Variants in ERC2 observed in about 807,000 individuals in gnomAD.
The protein encoded by ERC2 is ELKS/RAB6-interacting/CAST family member 2.
In ERC2, 42 loss-of-function variants were observed where a neutral mutation model predicts 114.8. The observed-to-expected ratio is 0.37, with a 90% CI of 0.29 to 0.47. The LOEUF is 0.47. ERC2 is among the 20% of genes least tolerant of loss of function. The pLI, the probability that ERC2 is intolerant of heterozygous loss-of-function variation, is 0.99. For missense variants in ERC2, 939 were observed against 1,150.7 expected, an observed-to-expected ratio of 0.82 and a Z score of 2.66; for synonymous variants, 454 against 425.5, an observed-to-expected ratio of 1.07 and a Z score of -0.82.
intron 13 of ERC2, among the ~76,000 whole-genome samples, chr3:55,893,250 T>C (rs1231937889): frequency 2.0e-5 from 3 of 152,146 alleles, no homozygotes; most frequent in African/African-American, 4.8e-5. Flanking sequence ...TAGGAACTTA[T>C]TCCCCTGTTT....
intron 12 of ERC2, among the ~76,000 whole-genome samples, chr3:55,976,553 A>G (rs1381976022): frequency 1.3e-5 from 2 of 152,204 alleles, no homozygotes; most frequent in Non-Finnish European, 2.9e-5. Context: ...CACTGGTTGG[A>G]TAAGACAGGT....
intron 1 of ERC2, among the ~76,000 whole-genome samples, chr3:56,465,430 G>A (rs1443623324): frequency 6.6e-5 from 10 of 151,966 alleles, no homozygotes; most frequent in East Asian, 3.8e-4. Flanking sequence ...AAAACAAGAC[G>A]GTCATGCTAT....
At chr3:56,304,640 G>A (rs1387188998) in intron 2 of ERC2, among the ~76,000 whole-genome samples, 5 of 151,998 alleles carry the variant, frequency 3.3e-5, no homozygotes, top group African/African-American at 9.7e-5. Flanking sequence ...TGGAATACAG[G>A]GATATATTAA....
chr3:55,706,828 C>T (rs941428658), intron 15 of ERC2, among the ~76,000 whole-genome samples: 1 of 152,158 alleles, frequency 6.6e-6, no homozygotes, highest in African/African-American at 2.4e-5. Flanking sequence ...GGCTCTTTTC[C>T]ATGGATACTT....
chr3:55,638,993 TC>T (rs2148649236), intron 17 of ERC2, among the ~76,000 whole-genome samples: 1 of 152,264 alleles, frequency 6.6e-6, no homozygotes, highest in Admixed American at 6.5e-5. Flanking sequence ...CTATGACATC[TC>T]CCTTGACAAT....
At chr3:56,038,215 G>A (rs1305144935) in intron 7 of ERC2, among the ~76,000 whole-genome samples, 1 of 151,914 alleles carries the variant, frequency 6.6e-6, no homozygotes, top group Non-Finnish European at 1.5e-5. Context: ...CAATCCACAA[G>A]GAACTTAAAC....
intron 4 of ERC2, among the ~76,000 whole-genome samples, chr3:56,161,146 C>T (rs540153992): frequency 7.9e-5 from 12 of 152,126 alleles, no homozygotes; most frequent in Admixed American, 7.9e-4. Context: ...TCGGGGCCCT[C>T]CTCCCAGTTC....
intron 7 of ERC2, among the ~76,000 whole-genome samples, chr3:56,036,666 G>A (rs2074825339): frequency 6.6e-6 from 1 of 152,172 alleles, no homozygotes; most frequent in Non-Finnish European, 1.5e-5. Flanking sequence ...GAGCTGCACA[G>A]AACAAGTGGA....
At chr3:56,133,104 T>C (rs748679553) in intron 6 of ERC2, among the ~76,000 whole-genome samples, 17 of 152,154 alleles carry the variant, frequency 1.1e-4, no homozygotes, top group Non-Finnish European at 2.4e-4. Flanking sequence ...AACTCACCTG[T>C]CAAGACAGAA....
intron 13 of ERC2, among the ~76,000 whole-genome samples, chr3:55,899,541 A>C (rs1280191390): frequency 6.6e-6 from 1 of 152,122 alleles, no homozygotes; most frequent in Admixed American, 6.5e-5. Flanking sequence ...GTGATTTAAA[A>C]GTGTTACAAA....
chr3:55,901,490 T>C (rs2064135714), intron 13 of ERC2, among the ~76,000 whole-genome samples: 1 of 152,190 alleles, frequency 6.6e-6, no homozygotes, highest in Non-Finnish European at 1.5e-5. Flanking sequence ...GTCCAGCTCA[T>C]TGAAGCCACC....
intron 4 of ERC2, among the ~76,000 whole-genome samples, chr3:56,153,832 G>T (rs1019579145): frequency 6.6e-6 from 1 of 152,042 alleles, no homozygotes. Context: ...GAGAATTACT[G>T]GTTTCATTTT....
At position 56,434,380 on chromosome 3, in the gene ERC2, G is replaced by T; in HGVS notation, c.628C>A (p.Gln210Lys). ...TTTTCTTCATGGGAAACCCTCATCT[G>T]CTCCTTGAGGACAGACATCCGCGCT... ...EAARMSVLKE[Q>K]MRVSHEENQH... Residue 210 changes from glutamine to lysine, a missense_variant, in exon 2 of 18, where the codon CAG (glutamine) becomes AAG (lysine). Gln to Lys is a moderately conservative substitution (Grantham distance 53, BLOSUM62 1). This residue lies in a region of ERC2 where 281 missense variants were observed against 307.4 expected (regional missense o/e 0.91). Coordinates refer to ENST00000288221, the MANE Select transcript of ERC2 (RefSeq NM_015576.3). 8 of 1,613,754 alleles carry T rather than the reference G, an allele frequency of 5.0e-6. No homozygotes were observed. The highest frequency in any genetic ancestry group is 5.9e-6 in the Non-Finnish European group (7 of 1,179,872).
At chr3:55,995,383 TA>T (rs1357663030) in intron 10 of ERC2, among the ~76,000 whole-genome samples, 1 of 152,132 alleles carries the variant, frequency 6.6e-6, no homozygotes, top group African/African-American at 2.4e-5. Context: ...ACCTCAAGAA[TA>T]CCTGTGAGTT....
intron 17 of ERC2, among the ~76,000 whole-genome samples, chr3:55,653,642 G>C (rs2060739326): frequency 1.3e-5 from 2 of 151,552 alleles, no homozygotes; most frequent in Admixed American, 1.3e-4. Context: ...TGGAATGACA[G>C]AGTGCATAGA....
intron 8 of ERC2, among the ~76,000 whole-genome samples, chr3:56,012,806 A>C (rs1381369851): frequency 6.6e-6 from 1 of 152,222 alleles, no homozygotes; most frequent in African/African-American, 2.4e-5. Flanking sequence ...TGTCAAAAAC[A>C]TGTGTTAAAA....
At chr3:55,552,702 C>T (rs2055301159) in intron 17 of ERC2, among the ~76,000 whole-genome samples, 1 of 150,700 alleles carries the variant, frequency 6.6e-6, no homozygotes, top group Non-Finnish European at 1.5e-5. Flanking sequence ...TTATATCTTA[C>T]AATTTCACAT....
At chr3:56,136,161 C>G (rs2080493110) in intron 6 of ERC2, among the ~76,000 whole-genome samples, 1 of 152,096 alleles carries the variant, frequency 6.6e-6, no homozygotes, top group African/African-American at 2.4e-5. Flanking sequence ...CTCACCCCAC[C>G]CTTCATCCTA....
At chr3:56,151,992 A>G (rs1359668103) in intron 4 of ERC2, among the ~76,000 whole-genome samples, 1 of 152,212 alleles carries the variant, frequency 6.6e-6, no homozygotes, top group African/African-American at 2.4e-5. Context: ...CAATATATGT[A>G]GTGATTTTCA....
Sources: allele counts gnomAD v4.1 joint callset (sites outside exome capture counted in the v4.1 genomes callset), GRCh38; gene constraint gnomAD v4.1.1; regional missense constraint gnomAD v4.1.1; transcripts MANE v1.5; gene names NCBI Gene and HGNC (gene_info 2026-07-23, HGNC 2026-07-21).